WDSUB1: variants seen among roughly 807,000 people sequenced by gnomAD.
WDSUB1 encodes the protein WD repeat, SAM and U-box domain-containing protein 1.
A neutral mutation model predicts 53.9 loss-of-function variants in WDSUB1; 49 were observed. The observed-to-expected ratio is 0.91, with a 90% confidence interval of 0.72 to 1.15. The LOEUF (loss-of-function observed/expected upper bound fraction) is 1.15. WDSUB1 is among the 50% of genes most tolerant of loss of function. WDSUB1 has a pLI of 0.00. For synonymous variants in WDSUB1, 194 were observed against 200.6 expected (o/e 0.97, Z 0.28); for missense variants, 514 against 562.0 (o/e 0.91, Z 0.86).
At chr2:159,254,763 GT>G (rs1353384157) in intron 9 of WDSUB1, among the ~76,000 whole-genome samples, 4 of 152,032 alleles carry the variant, frequency 2.6e-5, no homozygotes, top group African/African-American at 4.8e-5. Context: ...AAATTTGTGA[GT>G]TTTTTTTAAA....
Position 159,250,088 on chromosome 2 carries a change from C to CAAAAAAAAAAAAAAAAAAAAAAA in WDSUB1, c.1133-1577_1133-1576insTTTTTTTTTTTTTTTTTTTTTTT, listed in dbSNP as rs374038625. On this transcript the variant is annotated intron_variant, in intron 9 of 10. Coordinates refer to ENST00000359774, the MANE Select transcript of WDSUB1 (RefSeq NM_001128212.3). ...TGGGCGACACAGTGAGACTCTGCCT[C>CAAAAAAAAAAAAAAAAAAAAAAA]AAAAAAAAAAAAAAAAAAAGAAGGG... Among the ~76,000 whole-genome samples the CAAAAAAAAAAAAAAAAAAAAAAA allele has an allele frequency of 6.0e-5, 5 of 83,522 alleles. 1 individual carries two copies. The highest frequency in any genetic ancestry group is 1.1e-4 in the African/African-American group (3 of 28,086). 54.8% of individuals were successfully genotyped at this position (83,522 alleles called of 152,430 possible).
At chr2:159,261,892 ATATATTTTTTTTTTTTTTTTTTTT>A (rs2061231359) in intron 5 of WDSUB1, among the ~76,000 whole-genome samples, 1 of 13,258 alleles carries the variant, frequency 7.5e-5, no homozygotes, top group African/African-American at 4.8e-4. Flanking sequence ...ATATATATAT[ATATATTTTTTTTTTTTTTTTTTTT>A]TTTTTTTTTT....
chr2:159,266,269 A>AG (rs1235646915), intron 5 of WDSUB1, among the ~76,000 whole-genome samples: 1 of 151,756 alleles, frequency 6.6e-6, no homozygotes, highest in Non-Finnish European at 1.5e-5. Flanking sequence ...ACTCACCGCA[A>AG]GCACCGCCTC....
chr2:159,242,360 A>G (rs62172670), intron 10 of WDSUB1, among the ~76,000 whole-genome samples: 26,532 of 145,662 alleles, frequency 0.18, 4,149 homozygotes, highest in East Asian at 0.39. Flanking sequence ...CCCGGCCAAA[A>G]GCAACTTTTT....
chr2:159,279,911 A>G lies in WDSUB1; in HGVS notation c.433T>C (p.Cys145Arg), dbSNP rs2061618332. 1 of 1,612,116 alleles carries G rather than the reference A, an allele frequency of 6.2e-7. No homozygotes were observed. Among genetic ancestry groups the G allele is most frequent in the South Asian group, 1.1e-5 (1 of 90,884 alleles). ...GSVKDGSLAA[C>R]AFSPNGSFFV... ...AAGCTTCCATTAGGAGAAAATGCAC[A>G]TGCCGCCAAGGAGCCATCTTTAACA... is the stretch of plus-strand genomic sequence containing the variant. The change falls in exon 3 of 11, where the codon TGT (cysteine) becomes CGT (arginine). Residue 145 changes from cysteine to arginine, a missense_variant. Coordinates refer to ENST00000359774, the MANE Select transcript of WDSUB1 (RefSeq NM_001128212.3).
intron 10 of WDSUB1, among the ~76,000 whole-genome samples, chr2:159,236,539 A>G (rs2151025167): frequency 6.6e-6 from 1 of 152,322 alleles, no homozygotes; most frequent in Admixed American, 6.5e-5. Flanking sequence ...GAGCTGTTGG[A>G]AAGTTTGGCT....
At chr2:159,274,819 A>C (rs1483861890) in intron 4 of WDSUB1, among the ~76,000 whole-genome samples, 1 of 152,234 alleles carries the variant, frequency 6.6e-6, no homozygotes, top group African/African-American at 2.4e-5. Flanking sequence ...ATCAGAAAAC[A>C]GAAGGGAACT....
intron 1 of WDSUB1, among the ~76,000 whole-genome samples, chr2:159,285,920 G>T (rs1440392030): frequency 1.3e-5 from 2 of 152,136 alleles, no homozygotes; most frequent in African/African-American, 4.8e-5. Context: ...TCCCAGCTGT[G>T]CAAGTGCGCA....
intron 10 of WDSUB1, among the ~76,000 whole-genome samples, chr2:159,244,067 T>G (rs1320912721): frequency 6.6e-6 from 1 of 152,198 alleles, no homozygotes; most frequent in Non-Finnish European, 1.5e-5. Context: ...CTAAAAATTC[T>G]CAGCAAACTG....
chr2:159,254,604 G>A (rs759570319), intron 9 of WDSUB1, among the ~76,000 whole-genome samples: 1 of 152,040 alleles, frequency 6.6e-6, no homozygotes, highest in Non-Finnish European at 1.5e-5. Flanking sequence ...TATAAAAATA[G>A]AATTGTATTT....
chr2:159,239,167 A>G (rs2060572568), intron 10 of WDSUB1, among the ~76,000 whole-genome samples: 1 of 152,032 alleles, frequency 6.6e-6, no homozygotes, highest in Admixed American at 6.6e-5. Flanking sequence ...ACACCTGGCT[A>G]ATTTTTAAAA....
At chr2:159,256,401 A>G (rs2061064312) in intron 8 of WDSUB1, 26 bp from the exon 9 acceptor site, 3 of 1,578,184 alleles carry the variant, frequency 1.9e-6, no homozygotes, top group Non-Finnish European at 2.6e-6. Context: ...CAAGTAAGTG[A>G]GATAACAAAA....
chr2:159,252,193 C>T (rs2060965250), intron 9 of WDSUB1, among the ~76,000 whole-genome samples: 1 of 151,986 alleles, frequency 6.6e-6, no homozygotes, highest in Admixed American at 6.6e-5. Flanking sequence ...CAAGAGAAGA[C>T]ACGAAACCTA....
At chr2:159,274,177 G>T (rs1479467793) in intron 4 of WDSUB1, among the ~76,000 whole-genome samples, 3 of 152,138 alleles carry the variant, frequency 2.0e-5, no homozygotes. Context: ...AGAGACAGGG[G>T]TACAGCCAAG....
intron 5 of WDSUB1, among the ~76,000 whole-genome samples, chr2:159,263,313 T>C (rs997607394): frequency 1.3e-5 from 2 of 152,256 alleles, no homozygotes; most frequent in African/African-American, 4.8e-5. Context: ...AATGTATTTA[T>C]GTTTCTTCTC....
chr2:159,235,940 CCT>C lies in WDSUB1; in HGVS notation c.*91_*92del. 2 of 1,196,070 alleles carry C rather than the reference CCT, an allele frequency of 1.7e-6. No homozygotes were observed. The highest frequency in any genetic ancestry group is 2.2e-6 in the Non-Finnish European group (2 of 917,184). The allele number at this position is 1,196,070 out of a possible 1,614,324, so 74.1% of individuals were successfully genotyped here. A position where few individuals can be genotyped will look rare whatever the true frequency, so the allele number is the denominator to read the frequency against. ...CTAAATTTAAGAAGTTTACCTTTTTCCTGTTTTGCTTTTAATAATGTCTGATT... is the reference window on the plus strand; with the variant it reads ...CTAAATTTAAGAAGTTTACCTTTTTCGTTTTGCTTTTAATAATGTCTGATT... On this transcript the variant is annotated 3_prime_UTR_variant, in exon 11 of 11. Transcript: ENST00000359774.
At chr2:159,259,036 A>AATTTTTTTTTTTTTTTTTTTTTTTTTTT (rs1436442238) in intron 6 of WDSUB1, among the ~76,000 whole-genome samples, 4 of 150,604 alleles carry the variant, frequency 2.7e-5, no homozygotes, top group Non-Finnish European at 1.5e-5. Flanking sequence ...CAACTACTTT[A>AATTTTTTTTTTTTTTTTTTTTTTTTTTT]TTTTTGAGAC....
chr2:159,241,876 G>C (rs2151044544), intron 10 of WDSUB1, among the ~76,000 whole-genome samples: 1 of 142,766 alleles, frequency 7.0e-6, no homozygotes, highest in Admixed American at 6.8e-5. Flanking sequence ...CTTGTGGTAA[G>C]CTGGCAAAAA....
rs779950584 is a variant in WDSUB1 at position 159,279,821 on chromosome 2, T to C, written c.523A>G (p.Ser175Gly). ...ATTCCAAGATCATGTGCTTTTTCAC[T>C]ATGCAGACACCTCATTTTATCATCC... Reference protein sequence around the residue: ...VWDDKMRCLHSEKAHDLGITC... With the variant: ...VWDDKMRCLHGEKAHDLGITC... The change falls in exon 3 of 11, where the codon AGT becomes GGT. Residue 175 changes from serine (S) to glycine (G), a missense_variant. Coordinates refer to ENST00000359774, the MANE Select transcript of WDSUB1 (RefSeq NM_001128212.3). The C allele has an allele frequency of 6.2e-7, 1 of 1,610,908 alleles. No individual in the cohort carries two copies. The highest frequency in any genetic ancestry group is 1.7e-5 in the Admixed American group (1 of 59,986).
Sources: allele counts gnomAD v4.1 joint callset (sites outside exome capture counted in the v4.1 genomes callset), GRCh38; gene constraint gnomAD v4.1.1; transcripts MANE v1.5; gene names NCBI Gene and HGNC (gene_info 2026-07-23, HGNC 2026-07-21).